The following MYB variants were observed in gnomAD, a reference collection of about 807,000 sequenced individuals.
MYB encodes the protein transcriptional activator Myb.
Under a neutral mutation model 92.9 loss-of-function variants are expected in MYB, and 28 were observed. The ratio of observed to expected loss-of-function variants is 0.30; its 90% CI spans 0.22 to 0.41. The LOEUF is 0.41. MYB is among the 10% of genes least tolerant of loss of function. The pLI is 1.00. For missense variants in MYB, 679 were observed against 929.3 expected (o/e 0.73, Z 3.50); for synonymous variants, 295 against 329.1 (o/e 0.90, Z 1.12).
intron 14 of MYB, 143 bp downstream of exon 14, chr6:135,201,892 T>A (rs1583340623): frequency 2.4e-6 from 1 of 423,598 alleles, no homozygotes; most frequent in Non-Finnish European, 4.1e-6. Flanking sequence ...ACATGATTTT[T>A]AAAAAATGAT....
At chr6:135,191,644 T>TA (rs1178642330) in intron 5 of MYB, among the ~76,000 whole-genome samples, 1 of 152,180 alleles carries the variant, frequency 6.6e-6, no homozygotes, top group African/African-American at 2.4e-5. Context: ...AAGGGAGACT[T>TA]AAACGGTTTT....
intron 1 of MYB, among the ~76,000 whole-genome samples, chr6:135,185,027 G>A (rs1294307463): frequency 2.0e-5 from 3 of 152,152 alleles, no homozygotes; most frequent in East Asian, 1.9e-4. Context: ...AAAAGCTTTC[G>A]AAAATAGTAA....
rs1236635331 is a variant in MYB at position 135,181,790 on chromosome 6, A to T, written c.23+254A>T. Among the ~76,000 whole-genome samples, 1 of 152,108 alleles carries T rather than the reference A, an allele frequency of 6.6e-6. No individual in the cohort carries two copies. The highest frequency in any genetic ancestry group is 1.5e-5 in the Non-Finnish European group (1 of 68,020). Reference sequence around the variant, plus strand: ...CATTTTGCAAGTTGCATGGGGATACATTTTTCTTTAGGGGGAAAAAGAAAG... The same window carrying T: ...CATTTTGCAAGTTGCATGGGGATACTTTTTTCTTTAGGGGGAAAAAGAAAG... On this transcript the variant is annotated intron_variant, in intron 1 of 15. Coordinates refer to ENST00000341911, the MANE Select transcript of MYB (RefSeq NM_001130173.2). This position sits in a 1 kb window ranked among gnomAD's most constrained non-coding sequence, Gnocchi z 5.3.
Position 135,197,217 on chromosome 6 carries a change from C to T in MYB, c.1460C>T (p.Ala487Val). 1.9e-6 allele frequency: 3 copies of T among 1,613,974 alleles called. No individual in the cohort carries two copies. Among genetic ancestry groups the T allele is most frequent in the Non-Finnish European group, 2.5e-6 (3 of 1,179,890 alleles). Residue 487 changes from alanine (A) to valine (V), a missense_variant, in exon 10 of 16, where the codon GCC becomes GTC. Physicochemically the swap from Ala to Val is moderately conservative, Grantham distance 64. Coordinates refer to ENST00000341911, the MANE Select transcript of MYB (RefSeq NM_001130173.2). ...ATCCTTCGAAAAAAACGGGGCCAGG[C>T]CAGCCCCTTAGCCACTGGAGACTGT... The part of the protein sequence containing the change: ...LVILRKKRGQ[A>V]SPLATGDCSS...
At chr6:135,196,924 A>G (rs1424078802) in intron 9 of MYB, 37 bp from the exon 10 acceptor site, 3 of 1,596,092 alleles carry the variant, frequency 1.9e-6, no homozygotes, top group East Asian at 2.2e-5. Flanking sequence ...GATGGCACAC[A>G]CTATCTCAAA....
Position 135,200,157 on chromosome 6 carries a change from A to G in MYB, c.1782A>G (p.Ala594=). The change falls in exon 12 of 16, where the codon GCA becomes GCG. Residue 594 remains alanine, a synonymous_variant. Coordinates refer to ENST00000341911, the MANE Select transcript of MYB (RefSeq NM_001130173.2). ...GAACTCCTACACCATTCAAACATGCACTTGCAGCTCAAGAAATTAAATACG... is the reference window on the plus strand; with the variant it reads ...GAACTCCTACACCATTCAAACATGCGCTTGCAGCTCAAGAAATTAAATACG... ...SPRTPTPFKH[A]LAAQEIKYGP... The G allele has an allele frequency of 6.2e-7, 1 of 1,614,194 alleles. No homozygotes were observed. The highest frequency in any genetic ancestry group is 1.1e-5 in the South Asian group (1 of 91,086).
chr6:135,200,460 C>T, intron 13 of MYB, 45 bp downstream of exon 13: 6 of 1,611,922 alleles, frequency 3.7e-6, no homozygotes, highest in Non-Finnish European at 5.1e-6. Flanking sequence ...GAATCCTGCC[C>T]CCTTTATTCC....
intron 14 of MYB, chr6:135,202,830 A>G (rs899792199): frequency 1.9e-5 from 8 of 431,832 alleles, no homozygotes; most frequent in Non-Finnish European, 3.2e-5. Flanking sequence ...TTTGCCAATA[A>G]TTTATAGCTC....
At chr6:135,215,106 G>A (rs374937507) in intron 15 of MYB, among the ~76,000 whole-genome samples, 49 of 152,312 alleles carry the variant, frequency 3.2e-4, no homozygotes, top group African/African-American at 1.2e-3. Context: ...TGACATCAGT[G>A]GGGAGATGGC....
intron 2 of MYB, among the ~76,000 whole-genome samples, chr6:135,186,237 G>C (rs969690489): frequency 1.3e-5 from 2 of 151,988 alleles, no homozygotes; most frequent in African/African-American, 2.4e-5. Flanking sequence ...CTCATTTTAG[G>C]CTTCATCTGT....
intron 10 of MYB, 136 bp downstream of exon 10, chr6:135,197,459 C>G: frequency 1.1e-6 from 1 of 894,638 alleles, no homozygotes; most frequent in East Asian, 2.5e-5. Context: ...TTGAATCTAG[C>G]TGTTGCTAAG....
In MYB at chr6:135,194,585, C is replaced by G. The variant is rs536950442; in HGVS notation, c.948+125C>G. ...TATATCCATTCAGAATGTCTCAACACAAGAAGTTGCTTGTAGTAAAATGTA... is the reference window on the plus strand; with the variant it reads ...TATATCCATTCAGAATGTCTCAACAGAAGAAGTTGCTTGTAGTAAAATGTA... On this transcript the variant is annotated intron_variant, in intron 8 of 15. Transcript: ENST00000341911. 10 of 671,436 alleles carry G rather than the reference C, an allele frequency of 1.5e-5. No homozygotes were observed. In the South Asian group the frequency reaches 2.1e-4, roughly 14 times the overall value. 41.6% of individuals were successfully genotyped at this position (671,436 alleles called of 1,614,324 possible). A position where few individuals can be genotyped will look rare whatever the true frequency, so the allele number is the denominator to read the frequency against.
At chr6:135,217,346 T>A (rs531240218) in intron 15 of MYB, among the ~76,000 whole-genome samples, 7 of 150,932 alleles carry the variant, frequency 4.6e-5, no homozygotes, top group African/African-American at 1.5e-4. Flanking sequence ...ATCAGCCTGG[T>A]ATGACAGAGC....
At chr6:135,193,120 T>G (rs1464868536) in intron 6 of MYB, among the ~76,000 whole-genome samples, 2 of 152,234 alleles carry the variant, frequency 1.3e-5, no homozygotes, top group African/African-American at 2.4e-5. Flanking sequence ...ACATTCATTT[T>G]CTGATGTCTC....
chr6:135,201,507 T>C (rs1466843434), intron 13 of MYB, 132 bp from the exon 14 acceptor site: 1 of 514,780 alleles, frequency 1.9e-6, no homozygotes, highest in East Asian at 3.3e-5. Context: ...ATAGAGCAAA[T>C]TGAGCTGATA....
chr6:135,184,822 G>A (rs1488906467), intron 1 of MYB, among the ~76,000 whole-genome samples: 2 of 152,108 alleles, frequency 1.3e-5, no homozygotes, highest in East Asian at 3.9e-4. Flanking sequence ...TTTTAGTGAA[G>A]TTTCTAAGAT....
intron 11 of MYB, 57 bp downstream of exon 11, chr6:135,199,107 T>G: frequency 7.3e-7 from 1 of 1,367,188 alleles, no homozygotes; most frequent in South Asian, 1.5e-5. Flanking sequence ...ATTTAATTAA[T>G]GGAATATAGT....
chr6:135,197,300 AG>A lies in MYB; in HGVS notation c.1544del (p.Ser515ThrfsTer10), dbSNP rs771247296. ...SSTPKRSPVK[S>X]LPFSPSQFLN... Reference sequence around the variant, plus strand: ...AACTCCCAAGCGTTCCCCTGTCAAAAGCCTACCCTTCTCTCCCTCGCAGGTA... The same window carrying A: ...AACTCCCAAGCGTTCCCCTGTCAAAACCTACCCTTCTCTCCCTCGCAGGTA... On this transcript the variant is annotated frameshift_variant, in exon 10 of 16. Coordinates refer to ENST00000341911, the MANE Select transcript of MYB (RefSeq NM_001130173.2). LOFTEE classifies it high-confidence loss of function. The A allele has an allele frequency of 3.1e-6, 5 of 1,612,438 alleles. No individual in the cohort carries two copies. The African/African-American group carries it at 6.7e-5, about 22-fold the overall frequency.
At chr6:135,217,126 T>G (rs1780557610) in intron 15 of MYB, among the ~76,000 whole-genome samples, 1 of 152,180 alleles carries the variant, frequency 6.6e-6, no homozygotes, top group Non-Finnish European at 1.5e-5. Context: ...CTCAGCACTT[T>G]GGGAGGCCAA....
Sources: gnomAD v4.1 joint callset for allele counts (sites outside exome capture counted in the v4.1 genomes callset) on GRCh38, gnomAD v4.1.1 for gene constraint, Gnocchi (gnomAD v3.1) non-coding constraint, MANE v1.5 for transcripts, NCBI Gene and HGNC (gene_info 2026-07-23, HGNC 2026-07-21) for gene names.